The following GRIA4 variants were observed in gnomAD, a reference collection of about 807,000 sequenced individuals.
GRIA4 encodes glutamate ionotropic receptor AMPA type subunit 4, also known as glutamate receptor 4.
GRIA4 carries 34 observed loss-of-function variants against 104.0 expected under a neutral mutation model. The ratio of observed to expected loss-of-function variants is 0.33; its 90% CI spans 0.25 to 0.44. The LOEUF (loss-of-function observed/expected upper bound fraction) is 0.44, where lower values mean the gene tolerates loss of function less well. Ranked by LOEUF, GRIA4 falls within the 20% of genes least tolerant of loss-of-function variation. GRIA4 has a pLI of 1.00. For synonymous variants in GRIA4, 386 were observed against 381.9 expected (o/e 1.01, Z -0.13); for missense variants, 750 against 1,096.5 (o/e 0.68, Z 4.46).
chr11:105,821,068 A>T (rs186272914), intron 4 of GRIA4, among the ~76,000 whole-genome samples: 1 of 152,222 alleles, frequency 6.6e-6, no homozygotes, highest in Non-Finnish European at 1.5e-5. Flanking sequence ...CCTTCTGTTC[A>T]ATTTGAAATT....
At chr11:105,915,071 T>G (rs549261428) in intron 10 of GRIA4, among the ~76,000 whole-genome samples, 1 of 152,234 alleles carries the variant, frequency 6.6e-6, no homozygotes, top group African/African-American at 2.4e-5. Context: ...CTTTTGGACT[T>G]GACATGAAAG....
intron 6 of GRIA4, among the ~76,000 whole-genome samples, chr11:105,895,252 C>CGTGT (rs59472131): frequency 0.4 from 58,969 of 148,658 alleles, 12,869 homozygotes; most frequent in Non-Finnish European, 0.51. Flanking sequence ...CGAGCTCATG[C>CGTGT]GTGTGTGTGT....
At chr11:105,830,137 C>T (rs1335142538) in intron 4 of GRIA4, among the ~76,000 whole-genome samples, 1 of 151,928 alleles carries the variant, frequency 6.6e-6, no homozygotes. Flanking sequence ...GACAATTACG[C>T]CATTCTGTAT....
intron 3 of GRIA4, among the ~76,000 whole-genome samples, chr11:105,702,136 G>A (rs1591102432): frequency 6.6e-6 from 1 of 152,118 alleles, no homozygotes; most frequent in East Asian, 1.9e-4. Flanking sequence ...ATCTCACTAT[G>A]TTACCCAGGC....
rs1470792934 is a variant in GRIA4, at chr11:105,898,400, G to A, written c.858G>A (p.Glu286=). 6.3e-7 allele frequency: 1 copy of A among 1,592,732 alleles called. No homozygotes were observed. The highest frequency in any genetic ancestry group is 8.6e-7 in the Non-Finnish European group (1 of 1,161,354). Residue 286 remains glutamate (E), a synonymous_variant, in exon 7 of 17, where the codon GAG becomes GAA. Coordinates refer to ENST00000282499, the MANE Select transcript of GRIA4 (RefSeq NM_000829.4). ...MDRWKKLDQR[E]YPGSETPPKY... ...GCTGGAAGAAACTAGATCAGAGAGAGTATCCAGGATCTGAGACTCCTCCAA... is the reference window on the plus strand; with the variant it reads ...GCTGGAAGAAACTAGATCAGAGAGAATATCCAGGATCTGAGACTCCTCCAA...
At chr11:105,784,162 C>G (rs1941855073) in intron 4 of GRIA4, among the ~76,000 whole-genome samples, 1 of 152,096 alleles carries the variant, frequency 6.6e-6, no homozygotes, top group African/African-American at 2.4e-5. Flanking sequence ...AGAACAGTAC[C>G]TGGGTCACTA....
intron 4 of GRIA4, among the ~76,000 whole-genome samples, chr11:105,828,353 C>T (rs1163694879): frequency 6.6e-6 from 1 of 151,950 alleles, no homozygotes; most frequent in Non-Finnish European, 1.5e-5. Context: ...AATGACATAG[C>T]CAAGCATGCA....
chr11:105,778,734 G>A (rs1049500205), intron 4 of GRIA4, among the ~76,000 whole-genome samples: 11 of 151,946 alleles, frequency 7.2e-5, no homozygotes, highest in African/African-American at 2.7e-4. Flanking sequence ...ACTAAGCATA[G>A]GAAGGCATTA....
intron 3 of GRIA4, among the ~76,000 whole-genome samples, chr11:105,637,997 A>G (rs770186783): frequency 4.6e-5 from 7 of 152,202 alleles, no homozygotes; most frequent in Non-Finnish European, 8.8e-5. Context: ...AATCGTGTAC[A>G]ACATGATGTT....
At position 105,777,385 on chromosome 11, in the gene GRIA4, CAAT is replaced by C. The variant is rs1435734972; in HGVS notation, c.487+24169_487+24171del. Among the ~76,000 whole-genome samples, 24 of 152,176 alleles carry C rather than the reference CAAT, an allele frequency of 1.6e-4. No individual in the cohort carries two copies. The East Asian group carries it at 4.2e-3, about 27-fold the overall frequency. On this transcript the variant is annotated intron_variant, in intron 4 of 16. Transcript: ENST00000282499. Reference sequence around the variant, plus strand: ...ACATGAGATGATTTGTGAAATTACCCAATAATGTCAGGCAAATGACAATATTCG... The same window carrying C: ...ACATGAGATGATTTGTGAAATTACCCAATGTCAGGCAAATGACAATATTCG...
chr11:105,880,819 T>A (rs2136079773), intron 5 of GRIA4, among the ~76,000 whole-genome samples: 1 of 152,112 alleles, frequency 6.6e-6, no homozygotes, highest in African/African-American at 2.4e-5. Context: ...GCAACCTGAG[T>A]TTTTAATAAT....
chr11:105,801,315 A>T (rs549597367), intron 4 of GRIA4, among the ~76,000 whole-genome samples: 1 of 151,984 alleles, frequency 6.6e-6, no homozygotes, highest in South Asian at 2.1e-4. Flanking sequence ...TTAAGCCTCA[A>T]TAAACTTCAG....
intron 2 of GRIA4, among the ~76,000 whole-genome samples, 161 bp downstream of exon 2, chr11:105,611,246 C>T (rs1157324701): frequency 6.6e-6 from 1 of 152,032 alleles, no homozygotes; most frequent in Admixed American, 6.6e-5. Flanking sequence ...AAGACTTCCT[C>T]TTTAGTGCAG....
intron 4 of GRIA4, among the ~76,000 whole-genome samples, chr11:105,793,873 C>A (rs1942334391): frequency 6.6e-6 from 1 of 152,086 alleles, no homozygotes. Context: ...GCCCAACATG[C>A]TATTTGAACA....
At chr11:105,764,858 A>C (rs1940857178) in intron 4 of GRIA4, among the ~76,000 whole-genome samples, 2 of 152,158 alleles carry the variant, frequency 1.3e-5, no homozygotes, top group Non-Finnish European at 2.9e-5. Context: ...TCTTAGCAAC[A>C]CCTAGACTGG....
At chr11:105,777,316 T>C (rs1941493383) in intron 4 of GRIA4, among the ~76,000 whole-genome samples, 1 of 152,218 alleles carries the variant, frequency 6.6e-6, no homozygotes, top group South Asian at 2.1e-4. Flanking sequence ...ATGATTTTTA[T>C]TGTCATTTAG....
chr11:105,809,748 A>T (rs1943100677), intron 4 of GRIA4, among the ~76,000 whole-genome samples: 1 of 152,078 alleles, frequency 6.6e-6, no homozygotes, highest in South Asian at 2.1e-4. Context: ...GAGTCAATTA[A>T]ACCTCTTTCC....
chr11:105,717,597 T>C (rs1474384296), intron 3 of GRIA4, among the ~76,000 whole-genome samples: 1 of 151,944 alleles, frequency 6.6e-6, no homozygotes, highest in African/African-American at 2.4e-5. Flanking sequence ...CCAATGGTAA[T>C]AAATTTTCCC....
At chr11:105,797,670 A>G (rs1942539048) in intron 4 of GRIA4, 1 of 323,444 alleles carries the variant, frequency 3.1e-6, no homozygotes, top group Non-Finnish European at 6.3e-6. Flanking sequence ...TAATCGTGCT[A>G]CCTTTTCTGA....
Sources: gnomAD v4.1 joint callset for allele counts (sites outside exome capture counted in the v4.1 genomes callset) on GRCh38, gnomAD v4.1.1 for gene constraint, MANE v1.5 for transcripts, NCBI Gene and HGNC (gene_info 2026-07-23, HGNC 2026-07-21) for gene names.